The following TRIT1 variants were observed in gnomAD, a reference collection of about 807,000 sequenced individuals.
The protein encoded by TRIT1 is tRNA isopentenyltransferase 1, also known as tRNA dimethylallyltransferase.
In TRIT1, 43 loss-of-function variants were observed where a neutral mutation model predicts 51.2. That is an observed-to-expected ratio of 0.84 (90% CI 0.66 to 1.08). The LOEUF (loss-of-function observed/expected upper bound fraction) is 1.08, where lower values mean the gene tolerates loss of function less well. TRIT1 is among the 50% of genes least tolerant of loss of function. The pLI, the probability that TRIT1 is intolerant of heterozygous loss-of-function variation, is 0.00. For synonymous variants in TRIT1, 184 were observed against 203.9 expected, an observed-to-expected ratio of 0.90 and a Z score of 0.83; for missense variants, 528 against 578.4, an observed-to-expected ratio of 0.91 and a Z score of 0.89.
At chr1:39,843,110 C>T (rs1030172341) in intron 10 of TRIT1, among the ~76,000 whole-genome samples, 2 of 152,176 alleles carry the variant, frequency 1.3e-5, no homozygotes, top group Non-Finnish European at 2.9e-5. Context: ...CAATGACAAT[C>T]GAGGCTTCTT....
chr1:39,862,966 T>C (rs1643333979), intron 1 of TRIT1: 2 of 985,300 alleles, frequency 2.0e-6, no homozygotes, highest in Non-Finnish European at 2.4e-6. Flanking sequence ...TGGAATGAAA[T>C]GCTTTTCTCT....
chr1:39,845,747 G>C (rs1406938425), intron 8 of TRIT1, among the ~76,000 whole-genome samples: 1 of 152,192 alleles, frequency 6.6e-6, no homozygotes, highest in Non-Finnish European at 1.5e-5. Context: ...TTCTGGCTTG[G>C]GTCCAAGGCC....
In TRIT1 at chr1:39,846,850, A is replaced by C. The variant is rs230311; in HGVS notation, c.1006+370T>G. On this transcript the variant is annotated intron_variant, in intron 8 of 10. Transcript: ENST00000316891. The stretch of plus-strand genomic sequence containing the variant: ...TTTTATACAACTCATCTGGCCCCCC[A>C]AAAACACTGTAATTAGGAAATCTTC... Among the ~76,000 whole-genome samples the C allele has an allele frequency of 6.2e-3, 943 of 152,260 alleles. 9 individuals carry two copies. The highest frequency in any genetic ancestry group is 0.022 in the African/African-American group (907 of 41,542).
chr1:39,864,367 T>C (rs1643413143), intron 1 of TRIT1, among the ~76,000 whole-genome samples: 1 of 151,724 alleles, frequency 6.6e-6, no homozygotes. Flanking sequence ...CCCAGCACTT[T>C]GGGAGGCTGA....
At chr1:39,859,842 T>C (rs1643138880) in intron 1 of TRIT1, among the ~76,000 whole-genome samples, 1 of 152,226 alleles carries the variant, frequency 6.6e-6, no homozygotes, top group Admixed American at 6.5e-5. Flanking sequence ...TGTTAATCAG[T>C]GTCAAATGCA....
intron 1 of TRIT1, among the ~76,000 whole-genome samples, chr1:39,882,822 G>C (rs1451691307): frequency 3.3e-5 from 5 of 152,138 alleles, no homozygotes; most frequent in Non-Finnish European, 7.3e-5. Context: ...GCAGATTCAG[G>C]ACTAGAATCC....
chr1:39,842,331 T>G (rs535000883), intron 10 of TRIT1, among the ~76,000 whole-genome samples: 1 of 152,226 alleles, frequency 6.6e-6, no homozygotes, highest in African/African-American at 2.4e-5. Flanking sequence ...GTCTCTGTAG[T>G]ATGGGGCTTC....
At chr1:39,880,798 C>CA (rs1315749935) in intron 1 of TRIT1, among the ~76,000 whole-genome samples, 78 of 127,704 alleles carry the variant, frequency 6.1e-4, no homozygotes, top group Admixed American at 8.6e-4. Flanking sequence ...GACTCCGTTT[C>CA]AAAAAAAAAA....
chr1:39,848,046 A>G lies in TRIT1; in HGVS notation c.755T>C (p.Leu252Pro). The stretch of plus-strand genomic sequence containing the variant: ...GTGAAAATCTCTTAGTTCCTCCAAG[A>G]GCCCAGCAGCAAGCATGTCATCCAC... ...KRVDDMLAAG[L>P]LEELRDFHRR... Residue 252 changes from leucine to proline, a missense_variant, in exon 6 of 11, where the codon CTC becomes CCC. This residue lies in a region of TRIT1 where 468 missense variants were observed against 522.6 expected (regional missense o/e 0.90). Transcript: ENST00000316891. 6.2e-7 allele frequency: 1 copy of G among 1,614,206 alleles called. No homozygotes were observed. Among genetic ancestry groups the G allele is most frequent in the Non-Finnish European group, 8.5e-7 (1 of 1,180,036 alleles).
At chr1:39,878,038 G>A (rs1178919182) in intron 1 of TRIT1, among the ~76,000 whole-genome samples, 1 of 152,108 alleles carries the variant, frequency 6.6e-6, no homozygotes, top group Non-Finnish European at 1.5e-5. Context: ...GAAATCCTCA[G>A]CAAAACCCAA....
chr1:39,869,350 T>C (rs1021659797), intron 1 of TRIT1, among the ~76,000 whole-genome samples: 2 of 152,250 alleles, frequency 1.3e-5, no homozygotes, highest in African/African-American at 4.8e-5. Context: ...AGTGATCTGC[T>C]AGCCTCGGCC....
At chr1:39,851,779 A>G (rs544707788) in intron 4 of TRIT1, among the ~76,000 whole-genome samples, 1 of 151,704 alleles carries the variant, frequency 6.6e-6, no homozygotes, top group Non-Finnish European at 1.5e-5. Context: ...ATCTCTAAAA[A>G]AAATTAAAAA....
At chr1:39,844,250 A>T in intron 9 of TRIT1, 32 bp from the exon 10 acceptor site, 3 of 1,501,080 alleles carry the variant, frequency 2.0e-6, no homozygotes, top group Middle Eastern at 1.7e-4. Flanking sequence ...GGAGTATTCA[A>T]TTCAAAGAGA....
intron 6 of TRIT1, 51 bp from the exon 7 acceptor site, chr1:39,847,711 A>T (rs367878909): frequency 6.2e-7 from 1 of 1,612,974 alleles, no homozygotes; most frequent in African/African-American, 1.3e-5. Flanking sequence ...AAAAGCTAGC[A>T]GGGGCTTTGG....
chr1:39,844,359 C>T (rs1642099145), intron 9 of TRIT1, 141 bp from the exon 10 acceptor site: 7 of 865,792 alleles, frequency 8.1e-6, no homozygotes, highest in Admixed American at 4.7e-5. Flanking sequence ...TTAGCAACAA[C>T]CTTTCTGAAT....
At chr1:39,866,935 G>T (rs531668900) in intron 1 of TRIT1, among the ~76,000 whole-genome samples, 10 of 152,270 alleles carry the variant, frequency 6.6e-5, no homozygotes, top group African/African-American at 2.4e-4. Context: ...GGGCTGCTGT[G>T]AGCCATGATT....
chr1:39,847,674 G>A lies in TRIT1; in HGVS notation c.816-14C>T. 6.2e-7 allele frequency: 1 copy of A among 1,614,114 alleles called. No individual in the cohort carries two copies. Among genetic ancestry groups the A allele is most frequent in the Non-Finnish European group, 8.5e-7 (1 of 1,180,020 alleles). ...TGATAGTCCTGGCTGGGAACAGGAG[G>A]GTATCAGCAGATAAGCCATTGCTCC... On this transcript the variant is annotated splice_polypyrimidine_tract_variant and intron_variant, in intron 6 of 10. Transcript: ENST00000316891.
At chr1:39,845,402 C>T (rs1642167894) in intron 8 of TRIT1, among the ~76,000 whole-genome samples, 1 of 152,234 alleles carries the variant, frequency 6.6e-6, no homozygotes. Flanking sequence ...CTGCCTTCCA[C>T]AACTAGGTTA....
rs750071570 is a variant in TRIT1, at chr1:39,854,059, T to C, written c.325A>G (p.Ile109Val). Residue 109 changes from isoleucine (I) to valine (V), a missense_variant, in exon 3 of 11, where the codon ATA becomes GTA. Around this residue, in one of 3 missense-constraint regions of TRIT1, gnomAD observed 468 missense variants for 522.6 expected, o/e 0.90. Coordinates refer to ENST00000316891, the MANE Select transcript of TRIT1 (RefSeq NM_017646.6). ...RNRATALIED[I>V]FARDKIPIVV... is the part of the protein sequence containing the mutation. Reference sequence around the variant, plus strand: ...ATAGGAATTTTGTCTCGGGCAAATATATCTTCAATGTGAACATTAAGAAAG... The same window carrying C: ...ATAGGAATTTTGTCTCGGGCAAATACATCTTCAATGTGAACATTAAGAAAG... The C allele has an allele frequency of 1.9e-6, 3 of 1,604,948 alleles. No individual in the cohort carries two copies. The highest frequency in any genetic ancestry group is 8.5e-7 in the Non-Finnish European group (1 of 1,173,964).
Sources: allele counts gnomAD v4.1 joint callset (sites outside exome capture counted in the v4.1 genomes callset), GRCh38; gene constraint gnomAD v4.1.1; regional missense constraint gnomAD v4.1.1; transcripts MANE v1.5; gene names NCBI Gene and HGNC (gene_info 2026-07-23, HGNC 2026-07-21).